VSIG10L: variants seen among roughly 807,000 people sequenced by gnomAD.
VSIG10L encodes the protein V-set and immunoglobulin domain containing 10 like.
In VSIG10L, 63 loss-of-function variants were observed where a neutral mutation model predicts 67.3. The ratio of observed to expected loss-of-function variants is 0.94; its 90% CI spans 0.76 to 1.15. The LOEUF (loss-of-function observed/expected upper bound fraction) is 1.15, where lower values mean the gene tolerates loss of function less well. Ranked by LOEUF, VSIG10L falls within the 50% of genes most tolerant of loss-of-function variation. VSIG10L has a pLI of 0.00. For synonymous variants in VSIG10L, 499 were observed against 524.9 expected (o/e 0.95, Z 0.67); for missense variants, 1,050 against 1,177.5 (o/e 0.89, Z 1.58).
rs1404532351 is a variant in VSIG10L at position 51,340,642 on chromosome 19, C to T, written c.980G>A (p.Trp327Ter). The change falls in exon 3 of 10, where the codon TGG (tryptophan) becomes TAG (stop). Residue 327 changes from tryptophan to a stop codon, truncating the protein, a stop_gained. Coordinates refer to ENST00000335624, the MANE Select transcript of VSIG10L (RefSeq NM_001163922.3). LOFTEE classifies it high-confidence loss of function. The surrounding 1 kb of genome is among the most constrained non-coding windows in gnomAD (Gnocchi z 6.3). ...AAELRLRCLGWGPGRGELSWS... is the reference protein window; with the variant it reads ...AAELRLRCLG ...GCTCAGCTCCCCGCGACCTGGCCCC[C>T]ACCCCAGGCAGCGCAGCCGGAGCTC... The T allele has an allele frequency of 2.6e-6, 4 of 1,533,414 alleles. No individual in the cohort carries two copies. The highest frequency in any genetic ancestry group is 2.7e-5 in the African/African-American group (2 of 73,042). The allele number at this position is 1,533,414 out of a possible 1,614,324, so 95.0% of individuals were successfully genotyped here. A position where few individuals can be genotyped will look rare whatever the true frequency, so the allele number is the denominator to read the frequency against.
In VSIG10L at chr19:51,338,098, C is replaced by G; in HGVS notation, c.1840G>C (p.Ala614Pro). The G allele has an allele frequency of 6.4e-7, 1 of 1,550,962 alleles. No homozygotes were observed. The highest frequency in any genetic ancestry group is 1.2e-5 in the South Asian group (1 of 84,014). ...GGAGCCAGGGGCCTCCCTTCCCGGGCCCAGGATGCCCGTGAGGGTGGGGGA... is the reference window on the plus strand; with the variant it reads ...GGAGCCAGGGGCCTCCCTTCCCGGGGCCAGGATGCCCGTGAGGGTGGGGGA... ...GCPPPSRASW[A>P]REGRPLAPGG... Residue 614 changes from alanine (A) to proline (P), a missense_variant, in exon 6 of 10, where the codon GCC (alanine) becomes CCC (proline). Transcript: ENST00000335624.
intron 8 of VSIG10L, 112 bp from the exon 9 acceptor site, chr19:51,334,057 C>A: frequency 6.7e-7 from 1 of 1,498,608 alleles, no homozygotes; most frequent in Non-Finnish European, 9.1e-7. Context: ...TGCTGATTGG[C>A]TGATTTGGAG....
Position 51,342,051 on chromosome 19 carries a change from G to T in VSIG10L, c.40+34C>A. 1 of 1,551,772 alleles carries T rather than the reference G, an allele frequency of 6.4e-7. No individual in the cohort carries two copies. Among genetic ancestry groups the T allele is most frequent in the Non-Finnish European group, 8.7e-7 (1 of 1,147,010 alleles). ...GGCATTGGGGGAGGCTGCTGAGGGA[G>T]ACTGACAGGGAAGGGACTGAGCAGG... is the stretch of plus-strand genomic sequence containing the variant. On this transcript the variant is annotated intron_variant, in intron 1 of 9. Transcript: ENST00000335624. This position sits in a 1 kb window ranked among gnomAD's most constrained non-coding sequence, Gnocchi z 4.4.
chr19:51,337,194 A>G, intron 7 of VSIG10L, 44 bp downstream of exon 7: 1 of 1,506,632 alleles, frequency 6.6e-7, no homozygotes, highest in South Asian at 1.3e-5. Flanking sequence ...GACACGGAGG[A>G]TCTGGCACAA....
At position 51,340,109 on chromosome 19, in the gene VSIG10L, C is replaced by T. The variant is rs1440181942; in HGVS notation, c.1380G>A (p.Ala460=). ...AGGTGCCTGCGTGGCCCGGTCCGACCGCGGGCAGCAGGAGGCGCGACCCCG... is the reference window on the plus strand; with the variant it reads ...AGGTGCCTGCGTGGCCCGGTCCGACTGCGGGCAGCAGGAGGCGCGACCCCG... ...VPAGSRLLLP[A]VGPGHAGTYA... The change falls in exon 4 of 10, where the codon GCG becomes GCA. Residue 460 remains alanine (A), a synonymous_variant. Transcript: ENST00000335624. This position sits in a 1 kb window ranked among gnomAD's most constrained non-coding sequence, Gnocchi z 6.3. 1.5e-6 allele frequency: 2 copies of T among 1,321,624 alleles called. No homozygotes were observed. The highest frequency in any genetic ancestry group is 3.8e-5 in the Admixed American group (1 of 26,060). 81.9% of individuals were successfully genotyped at this position (1,321,624 alleles called of 1,614,324 possible).
In VSIG10L at chr19:51,334,242, G is replaced by C; in HGVS notation, c.2368C>G (p.Leu790Val). Residue 790 changes from leucine to valine, a missense_variant, in exon 8 of 10, where the codon CTG becomes GTG. By Grantham distance (32) the Leu-to-Val change is conservative (BLOSUM62 1). This residue lies in a region of VSIG10L where 529 missense variants were observed against 584.9 expected (regional missense o/e 0.90). Transcript: ENST00000335624. ...CAAAGGAGGAGAAGTACGGCTAGCAGCGCCAGGCCCAGCAGGGAGCCCAGG... is the reference window on the plus strand; with the variant it reads ...CAAAGGAGGAGAAGTACGGCTAGCACCGCCAGGCCCAGCAGGGAGCCCAGG... ...IVLGSLLGLA[L>V]LAVLLLLCIC... The C allele has an allele frequency of 6.4e-7, 1 of 1,551,798 alleles. No homozygotes were observed. Among genetic ancestry groups the C allele is most frequent in the Non-Finnish European group, 8.7e-7 (1 of 1,147,028 alleles).
rs1985420017 is a variant in VSIG10L at position 51,334,022 on chromosome 19, A to G, written c.2420-77T>C. ...TGCCAACCCAGCCAATAGCAAGGGA[A>G]GCTGGTTGGAGAGGCGGAGCCTTAT... On this transcript the variant is annotated intron_variant, in intron 8 of 9. Transcript: ENST00000335624. The G allele has an allele frequency of 3.7e-5, 57 of 1,533,360 alleles. No homozygotes were observed. In the South Asian group the frequency reaches 6.8e-4, roughly 18 times the overall value. 95.0% of individuals were successfully genotyped at this position (1,533,360 alleles called of 1,614,324 possible). A position where few individuals can be genotyped will look rare whatever the true frequency, so the allele number is the denominator to read the frequency against.
At chr19:51,333,011 G>A (rs538457426) in intron 9 of VSIG10L, among the ~76,000 whole-genome samples, 49 of 152,026 alleles carry the variant, frequency 3.2e-4, no homozygotes, top group Non-Finnish European at 5.0e-4. Context: ...CACCATGCCC[G>A]ACTAATTTTA....
chr19:51,341,294 G>T lies in VSIG10L; in HGVS notation c.754C>A (p.Arg252=), dbSNP rs781052441. ...GCCTGGTCAAATCGCAGGTGGTCTC[G>T]GTGAGCAGGGTCCAGGCTGATCAGA... is the stretch of plus-strand genomic sequence containing the variant. ...APLISLDPAH[R]DHLRFDQARG... Residue 252 remains arginine, a synonymous_variant, in exon 2 of 10, where the codon CGA becomes AGA. Transcript: ENST00000335624. The T allele has an allele frequency of 1.1e-5, 17 of 1,546,428 alleles. No homozygotes were observed. Among genetic ancestry groups the T allele is most frequent in the South Asian group, 9.5e-5 (8 of 84,058 alleles).
In VSIG10L at chr19:51,334,238, A is replaced by C. The variant is rs1408549957; in HGVS notation, c.2372T>G (p.Leu791Arg). The change falls in exon 8 of 10, where the codon CTA becomes CGA. Residue 791 changes from leucine to arginine, a missense_variant. Physicochemically the swap from Leu to Arg is moderately radical, Grantham distance 102. This residue lies in a region of VSIG10L where 529 missense variants were observed against 584.9 expected (regional missense o/e 0.90). Transcript: ENST00000335624. Reference sequence around the variant, plus strand: ...GATGCAAAGGAGGAGAAGTACGGCTAGCAGCGCCAGGCCCAGCAGGGAGCC... The same window carrying C: ...GATGCAAAGGAGGAGAAGTACGGCTCGCAGCGCCAGGCCCAGCAGGGAGCC... ...VLGSLLGLAL[L>R]AVLLLLCICC... is the part of the protein sequence containing the mutation. 1.3e-6 allele frequency: 2 copies of C among 1,551,780 alleles called. No homozygotes were observed. Among genetic ancestry groups the C allele is most frequent in the Non-Finnish European group, 1.7e-6 (2 of 1,147,018 alleles).
chr19:51,338,856 A>G, intron 5 of VSIG10L, 32 bp downstream of exon 5: 1 of 1,358,642 alleles, frequency 7.4e-7, no homozygotes, highest in East Asian at 3.1e-5. Flanking sequence ...CTCCTCCTCG[A>G]GAAACAGCAA....
Position 51,342,026 on chromosome 19 carries a change from G to C in VSIG10L, c.41-19C>G. The C allele has an allele frequency of 6.4e-7, 1 of 1,551,776 alleles. No individual in the cohort carries two copies. Among genetic ancestry groups the C allele is most frequent in the Non-Finnish European group, 8.7e-7 (1 of 1,147,006 alleles). On this transcript the variant is annotated intron_variant, in intron 1 of 9. Transcript: ENST00000335624. The surrounding 1 kb of genome is among the most constrained non-coding windows in gnomAD (Gnocchi z 4.4). Reference sequence around the variant, plus strand: ...AAGGAGGCTGCAGAGAAGAGAGGAAGGCATTGGGGGAGGCTGCTGAGGGAG... The same window carrying C: ...AAGGAGGCTGCAGAGAAGAGAGGAACGCATTGGGGGAGGCTGCTGAGGGAG...
In VSIG10L at chr19:51,337,367, G is replaced by A. The variant is rs1281453575; in HGVS notation, c.2176C>T (p.Leu726=). 1 of 1,551,604 alleles carries A rather than the reference G, an allele frequency of 6.4e-7. No individual in the cohort carries two copies. The highest frequency in any genetic ancestry group is 2.4e-5 in the East Asian group (1 of 40,908). Residue 726 remains leucine, a synonymous_variant, in exon 7 of 10, where the codon CTG becomes TTG. Coordinates refer to ENST00000335624, the MANE Select transcript of VSIG10L (RefSeq NM_001163922.3). ...ACGGCTGACCGCTCCTGAGGCCCCA[G>A]GATGAGCAGGGAGACCCAGTCCCTG... The part of the protein sequence containing the change: ...TYRDWVSLLI[L]GPQERSAVVP...
Position 51,341,393 on chromosome 19 carries a change from G to T in VSIG10L, c.655C>A (p.Pro219Thr). The T allele has an allele frequency of 6.5e-7, 1 of 1,535,168 alleles. No individual in the cohort carries two copies. The highest frequency in any genetic ancestry group is 8.8e-7 in the Non-Finnish European group (1 of 1,141,360). ...CGCCAGACCACCAGAGAGGTGGGGG[G>T]CCCAGGGTTGGGGATTGGGACTAGG... is the stretch of plus-strand genomic sequence containing the variant. ...LPLVPIPNPGPPTSLVVWRRG... is the reference protein window; with the variant it reads ...LPLVPIPNPGTPTSLVVWRRG... The change falls in exon 2 of 10, where the codon CCC becomes ACC. Residue 219 changes from proline (P) to threonine (T), a missense_variant. Physicochemically the swap from Pro to Thr is conservative, Grantham distance 38. This residue lies in a region of VSIG10L where 511 missense variants were observed against 557.9 expected (regional missense o/e 0.92). Transcript: ENST00000335624.
rs1462213950 is a variant in VSIG10L at position 51,332,355 on chromosome 19, C to T, written c.*256G>A. On this transcript the variant is annotated 3_prime_UTR_variant, in exon 10 of 10. Transcript: ENST00000335624. ...GCAGAGGCTTGGAGGTTGTGCAAAC[C>T]ACACAGTTAGATCAGCAAGAGTTTC... 2 of 567,790 alleles carry T rather than the reference C, an allele frequency of 3.5e-6. No individual in the cohort carries two copies. The highest frequency in any genetic ancestry group is 6.4e-6 in the Non-Finnish European group (2 of 310,972). The allele number at this position is 567,790 out of a possible 1,614,324, so 35.2% of individuals were successfully genotyped here.
At position 51,340,145 on chromosome 19, in the gene VSIG10L, G is replaced by A. The variant is rs775620203; in HGVS notation, c.1344C>T (p.Ala448=). 7.6e-7 allele frequency: 1 copy of A among 1,321,008 alleles called. No homozygotes were observed. Among genetic ancestry groups the A allele is most frequent in the South Asian group, 2.1e-5 (1 of 47,196 alleles). 81.8% of individuals were successfully genotyped at this position (1,321,008 alleles called of 1,614,324 possible). ...ITWSLADPAE[A]AVPAGSRLLL... ...GGAGGCGCGACCCCGCGGGCACCGCGGCCTCGGCCGGGTCCGCCAGGCTCC... is the reference window on the plus strand; with the variant it reads ...GGAGGCGCGACCCCGCGGGCACCGCAGCCTCGGCCGGGTCCGCCAGGCTCC... The change falls in exon 4 of 10, where the codon GCC becomes GCT. Residue 448 remains alanine, a synonymous_variant. Coordinates refer to ENST00000335624, the MANE Select transcript of VSIG10L (RefSeq NM_001163922.3). The surrounding 1 kb of genome is among the most constrained non-coding windows in gnomAD (Gnocchi z 6.3).
Position 51,338,098 on chromosome 19 carries a change from C to A in VSIG10L, c.1840G>T (p.Ala614Ser). The A allele has an allele frequency of 6.4e-7, 1 of 1,550,960 alleles. No individual in the cohort carries two copies. Among genetic ancestry groups the A allele is most frequent in the Non-Finnish European group, 8.7e-7 (1 of 1,146,694 alleles). Residue 614 changes from alanine (A) to serine (S), a missense_variant, in exon 6 of 10, where the codon GCC (alanine) becomes TCC (serine). Transcript: ENST00000335624. ...GGAGCCAGGGGCCTCCCTTCCCGGG[C>A]CCAGGATGCCCGTGAGGGTGGGGGA... ...GCPPPSRASW[A>S]REGRPLAPGG...
chr19:51,339,411 C>A (rs1985568892), intron 4 of VSIG10L, among the ~76,000 whole-genome samples: 2 of 152,176 alleles, frequency 1.3e-5, no homozygotes, highest in South Asian at 4.1e-4. Flanking sequence ...CAGCCCCTTC[C>A]TTTCCAGCTC....
In VSIG10L at chr19:51,342,065, G is replaced by A. The variant is rs771558513; in HGVS notation, c.40+20C>T. ...CTGCTGAGGGAGACTGACAGGGAAG[G>A]GACTGAGCAGGGAACTTACCCAGGA... On this transcript the variant is annotated intron_variant, in intron 1 of 9. Transcript: ENST00000335624. This position sits in a 1 kb window ranked among gnomAD's most constrained non-coding sequence, Gnocchi z 4.4. 71 of 1,551,614 alleles carry A rather than the reference G, an allele frequency of 4.6e-5. No homozygotes were observed. The highest frequency in any genetic ancestry group is 6.1e-5 in the Non-Finnish European group (70 of 1,147,022).
Sources: allele counts gnomAD v4.1 joint callset (sites outside exome capture counted in the v4.1 genomes callset), GRCh38; gene constraint gnomAD v4.1.1; regional missense constraint gnomAD v4.1.1; non-coding constraint Gnocchi (gnomAD v3.1); transcripts MANE v1.5; gene names NCBI Gene and HGNC (gene_info 2026-07-23, HGNC 2026-07-21).